Variants in TXNDC12 observed in about 807,000 individuals in gnomAD.
TXNDC12 encodes thioredoxin domain-containing protein 12.
Under a neutral mutation model 24.2 loss-of-function variants are expected in TXNDC12, and 22 were observed. The observed-to-expected ratio is 0.91, with a 90% CI of 0.65 to 1.30. The LOEUF (loss-of-function observed/expected upper bound fraction) is 1.30, where lower values mean the gene tolerates loss of function less well. TXNDC12 is among the 50% of genes most tolerant of loss of function. The pLI, the probability that TXNDC12 is intolerant of heterozygous loss-of-function variation, is 0.00. For missense variants in TXNDC12, 184 were observed against 205.8 expected (o/e 0.89, Z 0.65); for synonymous variants, 58 against 73.4 (o/e 0.79, Z 1.07).
chr1:52,029,232 CTA>C (rs1341876095), intron 2 of TXNDC12, among the ~76,000 whole-genome samples: 4 of 152,044 alleles, frequency 2.6e-5, no homozygotes, highest in Admixed American at 6.6e-5. Flanking sequence ...ACAAATGTAT[CTA>C]TAGTCTGGTT....
intron 2 of TXNDC12, chr1:52,032,612 C>T (rs142102805): frequency 9.1e-4 from 1,378 of 1,515,798 alleles, no homozygotes; most frequent in Non-Finnish European, 1.1e-3. Flanking sequence ...CATCGATATG[C>T]TCTGGAGACC....
At chr1:52,023,788 A>G (rs1304845485) in intron 5 of TXNDC12, among the ~76,000 whole-genome samples, 2 of 152,080 alleles carry the variant, frequency 1.3e-5, no homozygotes. Context: ...TATGCTGAAC[A>G]AAGATTAGGT....
At chr1:52,026,069 T>G (rs1015318239) in intron 4 of TXNDC12, among the ~76,000 whole-genome samples, 2 of 152,106 alleles carry the variant, frequency 1.3e-5, no homozygotes. Context: ...GACCTCATGA[T>G]CTACCCACCT....
chr1:52,037,359 T>C (rs1035364293), intron 2 of TXNDC12, among the ~76,000 whole-genome samples: 1 of 152,054 alleles, frequency 6.6e-6, no homozygotes, highest in African/African-American at 2.4e-5. Context: ...ATTACAGGCA[T>C]GTGCCACCAC....
intron 2 of TXNDC12, among the ~76,000 whole-genome samples, chr1:52,041,160 G>A (rs994338090): frequency 7.9e-5 from 12 of 151,840 alleles, no homozygotes; most frequent in African/African-American, 1.9e-4. Context: ...GTGAAACCCC[G>A]TCTCTACTAA....
intron 3 of TXNDC12, among the ~76,000 whole-genome samples, chr1:52,028,016 C>T (rs1000330268): frequency 2.0e-5 from 3 of 151,784 alleles, no homozygotes; most frequent in Admixed American, 6.6e-5. Flanking sequence ...TTAGTAGAGG[C>T]GGGGTTTCAC....
At chr1:52,033,392 C>T (rs774458515) in intron 2 of TXNDC12, 2 of 1,612,552 alleles carry the variant, frequency 1.2e-6, no homozygotes, top group Non-Finnish European at 1.7e-6. Context: ...CCAGGGTTCT[C>T]GTTCGCGCCC....
At chr1:52,034,338 A>G (rs976610276) in intron 2 of TXNDC12, among the ~76,000 whole-genome samples, 2 of 152,220 alleles carry the variant, frequency 1.3e-5, no homozygotes, top group Non-Finnish European at 2.9e-5. Context: ...TTATAAAAGA[A>G]CAGAAGGGAA....
chr1:52,042,398 C>T (rs1686009070), intron 1 of TXNDC12, among the ~76,000 whole-genome samples: 1 of 152,114 alleles, frequency 6.6e-6, no homozygotes, highest in South Asian at 2.1e-4. Flanking sequence ...CACCTGCCCA[C>T]CTCTCCAGCC....
rs1188645759 is a variant in TXNDC12, at chr1:52,022,635, GTTTTTTTTTTTTT to G, written c.439+843_439+855del. ...CCGTTTACGTTTCGGGGTTTTTTTG[GTTTTTTTTTTTTT>G]TTTTTTTTGAGACAGAGTCTCGCTC... On this transcript the variant is annotated intron_variant, in intron 6 of 6. Coordinates refer to ENST00000371626, the MANE Select transcript of TXNDC12 (RefSeq NM_015913.4). Among the ~76,000 whole-genome samples, 8 of 118,592 alleles carry G rather than the reference GTTTTTTTTTTTTT, an allele frequency of 6.7e-5. No individual in the cohort carries two copies. The South Asian group carries it at 1.1e-3, about 17-fold the overall frequency. 77.8% of individuals were successfully genotyped at this position (118,592 alleles called of 152,430 possible). A position where few individuals can be genotyped will look rare whatever the true frequency, so the allele number is the denominator to read the frequency against.
intron 1 of TXNDC12, among the ~76,000 whole-genome samples, chr1:52,046,079 G>T (rs767896788): frequency 2.6e-5 from 4 of 152,042 alleles, no homozygotes; most frequent in Non-Finnish European, 4.4e-5. Context: ...CAGGTGTGGT[G>T]GTGCATGCCT....
At chr1:52,033,748 A>G (rs1685828110) in intron 2 of TXNDC12, 1 of 1,599,552 alleles carries the variant, frequency 6.3e-7, no homozygotes, top group Non-Finnish European at 8.5e-7. Flanking sequence ...CCCGCAAAAC[A>G]CCACGAGCGG....
intron 2 of TXNDC12, among the ~76,000 whole-genome samples, chr1:52,040,582 C>T (rs1264619408): frequency 2.6e-5 from 4 of 152,300 alleles, no homozygotes; most frequent in Admixed American, 1.3e-4. Flanking sequence ...TATATTTTTA[C>T]ACTTGTAACA....
At chr1:52,052,930 T>C (rs1434691701) in intron 1 of TXNDC12, among the ~76,000 whole-genome samples, 1 of 152,054 alleles carries the variant, frequency 6.6e-6, no homozygotes, top group Admixed American at 6.6e-5. Flanking sequence ...ACTCAGCTAG[T>C]GAGTGGCAGA....
At chr1:52,049,248 C>T (rs1024345888) in intron 1 of TXNDC12, among the ~76,000 whole-genome samples, 3 of 152,140 alleles carry the variant, frequency 2.0e-5, no homozygotes, top group Non-Finnish European at 4.4e-5. Flanking sequence ...TTCTAATACC[C>T]CAGTACTTCC....
At chr1:52,043,419 A>G (rs1186702177) in intron 1 of TXNDC12, among the ~76,000 whole-genome samples, 2 of 152,242 alleles carry the variant, frequency 1.3e-5, no homozygotes, top group African/African-American at 4.8e-5. Flanking sequence ...AGAATTTTAT[A>G]TCCAAAAATT....
intron 2 of TXNDC12, among the ~76,000 whole-genome samples, chr1:52,031,795 A>G (rs540697000): frequency 6.6e-6 from 1 of 152,332 alleles, no homozygotes; most frequent in Non-Finnish European, 1.5e-5. Flanking sequence ...CACATATCTC[A>G]AGAGCAAAAA....
chr1:52,035,557 T>A (rs1468275097), intron 2 of TXNDC12, among the ~76,000 whole-genome samples: 2 of 152,008 alleles, frequency 1.3e-5, no homozygotes, highest in Non-Finnish European at 1.5e-5. Context: ...AAATACTTTT[T>A]AAAAAATTAG....
chr1:52,044,128 CCAGA>C (rs1035950020), intron 1 of TXNDC12: 4 of 152,310 alleles, frequency 2.6e-5, no homozygotes, highest in African/African-American at 9.6e-5. Flanking sequence ...AGATGCCCAA[CCAGA>C]CAGTCTGAAG....
Sources: allele counts gnomAD v4.1 joint callset (sites outside exome capture counted in the v4.1 genomes callset), GRCh38; gene constraint gnomAD v4.1.1; transcripts MANE v1.5; gene names NCBI Gene and HGNC (gene_info 2026-07-23, HGNC 2026-07-21).